The following TRPM3 variants were observed in gnomAD, a reference collection of about 807,000 sequenced individuals.
The protein encoded by TRPM3 is transient receptor potential cation channel subfamily M member 3.
A neutral mutation model predicts 181.2 loss-of-function variants in TRPM3; 77 were observed. That is an observed-to-expected ratio of 0.42 (90% CI 0.35 to 0.51). TRPM3 has a LOEUF of 0.51. TRPM3 is among the 20% of genes least tolerant of loss of function. TRPM3 has a pLI of 0.01. For missense variants in TRPM3, 1,759 were observed against 2,196.7 expected (o/e 0.80, Z 3.98); for synonymous variants, 745 against 796.4 (o/e 0.94, Z 1.09).
intron 9 of TRPM3, among the ~76,000 whole-genome samples, chr9:70,671,351 G>A (rs139793022): frequency 6.6e-6 from 1 of 152,250 alleles, no homozygotes; most frequent in Non-Finnish European, 1.5e-5. Flanking sequence ...AGGAGTGGGA[G>A]CTGGGCTGAG....
chr9:71,259,825 T>C (rs896088725), intron 1 of TRPM3, among the ~76,000 whole-genome samples: 4 of 152,148 alleles, frequency 2.6e-5, no homozygotes, highest in African/African-American at 9.7e-5. Context: ...TTTTCTTCCA[T>C]TCTGTAGGGT....
At chr9:70,968,446 A>G (rs1185947145) in intron 1 of TRPM3, among the ~76,000 whole-genome samples, 1 of 152,142 alleles carries the variant, frequency 6.6e-6, no homozygotes. Context: ...CTCAGTTCAT[A>G]TCTGTCCCTG....
chr9:70,636,444 A>T (rs988629996), intron 11 of TRPM3, among the ~76,000 whole-genome samples: 17 of 152,218 alleles, frequency 1.1e-4, no homozygotes, highest in Non-Finnish European at 2.1e-4. Flanking sequence ...TTTGAGGTAA[A>T]TATAAAGTGA....
intron 6 of TRPM3, among the ~76,000 whole-genome samples, chr9:70,801,958 G>A (rs1051752488): frequency 6.6e-6 from 1 of 152,204 alleles, no homozygotes; most frequent in Non-Finnish European, 1.5e-5. Context: ...GCATGCATCA[G>A]AATTCCCTGA....
chr9:70,834,055 C>T (rs1348190820), intron 5 of TRPM3, among the ~76,000 whole-genome samples: 1 of 152,160 alleles, frequency 6.6e-6, no homozygotes, highest in East Asian at 1.9e-4. Flanking sequence ...GGGACACTGG[C>T]TAGTTACTTC....
At chr9:71,352,587 A>G (rs1195423227) in intron 1 of TRPM3, among the ~76,000 whole-genome samples, 1 of 152,238 alleles carries the variant, frequency 6.6e-6, no homozygotes, top group Non-Finnish European at 1.5e-5. Context: ...GTTCACATGC[A>G]AAAGAAAGCA....
chr9:71,362,093 C>A (rs944560554), intron 1 of TRPM3, among the ~76,000 whole-genome samples: 1 of 152,164 alleles, frequency 6.6e-6, no homozygotes, highest in African/African-American at 2.4e-5. Flanking sequence ...CCAGCTAATA[C>A]TCCCTTTACC....
chr9:70,743,799 T>C (rs2074607894), intron 8 of TRPM3, among the ~76,000 whole-genome samples: 1 of 152,168 alleles, frequency 6.6e-6, no homozygotes, highest in Non-Finnish European at 1.5e-5. Flanking sequence ...GTCATGCAAA[T>C]TATTTAGTAA....
chr9:71,305,302 T>C (rs1247220081), intron 1 of TRPM3, among the ~76,000 whole-genome samples: 1 of 152,194 alleles, frequency 6.6e-6, no homozygotes, highest in Non-Finnish European at 1.5e-5. Context: ...CCTCTAGGAC[T>C]GACAGAGATG....
At chr9:71,305,143 C>T (rs1188970574) in intron 1 of TRPM3, among the ~76,000 whole-genome samples, 2 of 152,176 alleles carry the variant, frequency 1.3e-5, no homozygotes, top group African/African-American at 2.4e-5. Context: ...GAGGGCAATG[C>T]TCTTCTCATT....
chr9:70,936,684 G>A (rs985611186), intron 1 of TRPM3, among the ~76,000 whole-genome samples: 4 of 152,084 alleles, frequency 2.6e-5, no homozygotes, highest in East Asian at 1.9e-4. Context: ...CACATAAGCC[G>A]CCTCTGCCTA....
intron 1 of TRPM3, among the ~76,000 whole-genome samples, chr9:70,996,212 T>C (rs1564928889): frequency 6.6e-6 from 1 of 152,206 alleles, no homozygotes. Flanking sequence ...GAACCAGAAT[T>C]CTGCAGATTA....
intron 1 of TRPM3, among the ~76,000 whole-genome samples, chr9:71,098,608 AG>A (rs1168436305): frequency 1.3e-5 from 2 of 152,216 alleles, no homozygotes; most frequent in Admixed American, 6.6e-5. Flanking sequence ...GCTAGACCTA[AG>A]GATAATGAAT....
intron 1 of TRPM3, among the ~76,000 whole-genome samples, chr9:71,439,775 TCTA>T (rs1200578327): frequency 3.3e-5 from 5 of 152,232 alleles, no homozygotes; most frequent in African/African-American, 1.2e-4. Flanking sequence ...TGTCATGTTC[TCTA>T]CTATTTTTGT....
intron 1 of TRPM3, among the ~76,000 whole-genome samples, chr9:71,335,132 A>G (rs1399987914): frequency 6.6e-6 from 1 of 152,172 alleles, no homozygotes; most frequent in Non-Finnish European, 1.5e-5. Context: ...TAATCACTTT[A>G]ATGAAGTGAA....
At chr9:71,349,429 C>A (rs2091474012) in intron 1 of TRPM3, among the ~76,000 whole-genome samples, 2 of 152,186 alleles carry the variant, frequency 1.3e-5, no homozygotes, top group South Asian at 4.1e-4. Context: ...CAGATTAAGA[C>A]TCACAGAGCA....
At chr9:70,610,457 T>C (rs2061838875) in intron 19 of TRPM3, 152 bp downstream of exon 19, 5 of 915,322 alleles carry the variant, frequency 5.5e-6, no homozygotes, top group Non-Finnish European at 8.1e-6. Context: ...ACGCCACAAA[T>C]CTTGCAGAGC....
chr9:71,310,862 C>A (rs1453119821), intron 1 of TRPM3, among the ~76,000 whole-genome samples: 1 of 152,016 alleles, frequency 6.6e-6, no homozygotes, highest in Non-Finnish European at 1.5e-5. Context: ...GATGATAAAA[C>A]AGCCTAATGT....
At chr9:70,982,278 T>C (rs2097371162) in intron 1 of TRPM3, among the ~76,000 whole-genome samples, 1 of 152,188 alleles carries the variant, frequency 6.6e-6, no homozygotes, top group Non-Finnish European at 1.5e-5. Context: ...TGGTAATCTT[T>C]CCACCACTTC....
Sources: gnomAD v4.1 joint callset for allele counts (sites outside exome capture counted in the v4.1 genomes callset) on GRCh38, gnomAD v4.1.1 for gene constraint, MANE v1.5 for transcripts, NCBI Gene and HGNC (gene_info 2026-07-23, HGNC 2026-07-21) for gene names.